RGSL1: variants seen among roughly 807,000 people sequenced by gnomAD.
RGSL1 encodes regulator of G protein signaling like 1, also known as regulator of G protein signaling protein-like.
A neutral mutation model predicts 124.7 loss-of-function variants in RGSL1; 97 were observed. The observed-to-expected ratio is 0.78, with a 90% confidence interval of 0.66 to 0.92. The LOEUF (loss-of-function observed/expected upper bound fraction) is 0.92, where lower values mean the gene tolerates loss of function less well. Among genes scored for constraint, RGSL1 ranks in the 40% least tolerant of loss-of-function variants. The pLI is 0.00. For missense variants in RGSL1, 1,233 were observed against 1,288.4 expected, an observed-to-expected ratio of 0.96 and a Z score of 0.66; for synonymous variants, 424 against 438.1, an observed-to-expected ratio of 0.97 and a Z score of 0.40.
intron 9 of RGSL1, among the ~76,000 whole-genome samples, chr1:182,512,461 G>C (rs140511472): frequency 6.6e-6 from 1 of 152,070 alleles, no homozygotes; most frequent in African/African-American, 2.4e-5. Flanking sequence ...TCATCTGTTC[G>C]GCTGCTGCAT....
chr1:182,473,540 C>T (rs1349543878), intron 5 of RGSL1, 35 bp from the exon 6 acceptor site: 1 of 1,483,624 alleles, frequency 6.7e-7, no homozygotes, highest in African/African-American at 1.4e-5. Context: ...ATCATCCCAT[C>T]ATTTTCACCC....
At chr1:182,529,168 CT>C (rs1658977518) in intron 11 of RGSL1, among the ~76,000 whole-genome samples, 2 of 152,272 alleles carry the variant, frequency 1.3e-5, no homozygotes, top group African/African-American at 4.8e-5. Context: ...CACATGTATC[CT>C]TTCATTTAAT....
chr1:182,458,566 C>A (rs1038487930), intron 3 of RGSL1, among the ~76,000 whole-genome samples, 173 bp downstream of exon 3: 2 of 152,178 alleles, frequency 1.3e-5, no homozygotes, highest in African/African-American at 2.4e-5. Flanking sequence ...GCCTCCCTGG[C>A]TCAAGCAATC....
intron 14 of RGSL1, among the ~76,000 whole-genome samples, chr1:182,533,555 A>C (rs1297550522): frequency 6.6e-6 from 1 of 152,182 alleles, no homozygotes; most frequent in African/African-American, 2.4e-5. Context: ...ACAGATTTCA[A>C]ACAGAAAATA....
At chr1:182,552,754 A>G (rs1453352262) in intron 18 of RGSL1, among the ~76,000 whole-genome samples, 2 of 152,244 alleles carry the variant, frequency 1.3e-5, no homozygotes, top group African/African-American at 2.4e-5. Flanking sequence ...AAAGGGCTTT[A>G]CGCTGCATCA....
At chr1:182,452,621 T>C (rs985640430) in intron 1 of RGSL1, among the ~76,000 whole-genome samples, 16 of 151,810 alleles carry the variant, frequency 1.1e-4, no homozygotes, top group African/African-American at 3.1e-4. Flanking sequence ...CCTGGCTAAT[T>C]TTTGTATTTT....
chr1:182,473,460 A>G, intron 5 of RGSL1, 115 bp from the exon 6 acceptor site: 2 of 1,141,576 alleles, frequency 1.8e-6, no homozygotes. Flanking sequence ...TATATGAGGA[A>G]CTAATAAAAT....
In RGSL1 at chr1:182,531,801, A is replaced by C. The variant is rs76400120; in HGVS notation, c.2365-861A>C. On this transcript the variant is annotated intron_variant, in intron 13 of 21. Transcript: ENST00000294854. ...GATAAAAGGAAATCAACATGTACTT[A>C]ATGCCTACTGTTTGCCAAGCATTGC... 7.3e-3 allele frequency among the ~76,000 whole-genome samples: 1,109 copies of C among 152,316 alleles called. 15 individuals are homozygous for C. The highest frequency in any genetic ancestry group is 0.027 in the Middle Eastern group (8 of 294).
At chr1:182,481,294 G>T (rs1028375091) in intron 6 of RGSL1, among the ~76,000 whole-genome samples, 3 of 151,928 alleles carry the variant, frequency 2.0e-5, no homozygotes, top group African/African-American at 7.2e-5. Flanking sequence ...GAAATAAAAA[G>T]GATAATGAGA....
intron 10 of RGSL1, among the ~76,000 whole-genome samples, chr1:182,525,509 CTA>C (rs1342420655): frequency 6.6e-6 from 1 of 151,926 alleles, no homozygotes; most frequent in African/African-American, 2.4e-5. Flanking sequence ...GAAAAATTTA[CTA>C]GAGGCAATCA....
At chr1:182,545,952 T>C (rs1208067109) in intron 15 of RGSL1, among the ~76,000 whole-genome samples, 2 of 152,214 alleles carry the variant, frequency 1.3e-5, no homozygotes, top group Admixed American at 6.5e-5. Context: ...TAAACATGTA[T>C]GTCTTTGTCA....
intron 10 of RGSL1, among the ~76,000 whole-genome samples, chr1:182,527,031 T>C (rs1658799446): frequency 1.3e-5 from 2 of 152,146 alleles, no homozygotes. Context: ...GAACTGGAGA[T>C]ATAGTTTTGC....
At chr1:182,515,839 G>A (rs1303859311) in intron 9 of RGSL1, among the ~76,000 whole-genome samples, 1 of 152,182 alleles carries the variant, frequency 6.6e-6, no homozygotes, top group Non-Finnish European at 1.5e-5. Flanking sequence ...ATAAGGAGAG[G>A]AGCCCCTGTG....
chr1:182,506,983 C>CTTT (rs71127304), intron 9 of RGSL1, among the ~76,000 whole-genome samples: 129 of 99,382 alleles, frequency 1.3e-3, no homozygotes, highest in Middle Eastern at 6.8e-3. Flanking sequence ...GCTCACCTTT[C>CTTT]TTTTTTTTTT....
At chr1:182,532,021 G>A (rs145482203) in intron 13 of RGSL1, among the ~76,000 whole-genome samples, 1 of 152,100 alleles carries the variant, frequency 6.6e-6, no homozygotes, top group Non-Finnish European at 1.5e-5. Context: ...TGTCTAAAGC[G>A]AGGCTTATGT....
chr1:182,519,784 C>T (rs537454848), intron 9 of RGSL1, among the ~76,000 whole-genome samples: 1 of 151,904 alleles, frequency 6.6e-6, no homozygotes, highest in Admixed American at 6.5e-5. Context: ...CTGGATATGT[C>T]CTTTGCATCT....
At chr1:182,500,262 A>T (rs1403677215) in intron 9 of RGSL1, among the ~76,000 whole-genome samples, 1 of 152,210 alleles carries the variant, frequency 6.6e-6, no homozygotes, top group Non-Finnish European at 1.5e-5. Context: ...CATTTGTTGA[A>T]GAGACTCTTC....
chr1:182,459,997 A>C lies in RGSL1; in HGVS notation c.172-7A>C. The stretch of plus-strand genomic sequence containing the variant: ...GCATTTTTGTTTCTATTTTGCTTTG[A>C]CTCTAGATTGCCAAATACAAAGGGT... On this transcript the variant is annotated splice_region_variant and splice_polypyrimidine_tract_variant and intron_variant, in intron 3 of 21. Coordinates refer to ENST00000294854, the MANE Select transcript of RGSL1 (RefSeq NM_001137669.2). The C allele has an allele frequency of 6.5e-7, 1 of 1,548,992 alleles. No individual in the cohort carries two copies. Among genetic ancestry groups the C allele is most frequent in the Non-Finnish European group, 8.7e-7 (1 of 1,146,252 alleles).
Position 182,497,619 on chromosome 1 carries a change from GA to G in RGSL1, c.1825+4493del, listed in dbSNP as rs1656033228. Among the ~76,000 whole-genome samples, 3 of 151,950 alleles carry G rather than the reference GA, an allele frequency of 2.0e-5. No individual in the cohort carries two copies. The South Asian group carries it at 6.2e-4, about 32-fold the overall frequency. On this transcript the variant is annotated intron_variant, in intron 9 of 21. Coordinates refer to ENST00000294854, the MANE Select transcript of RGSL1 (RefSeq NM_001137669.2). Reference sequence around the variant, plus strand: ...GCCACAATACAATGATCAGAATCAGGAAATTAACACTGATACATTACTACCA... The same window carrying G: ...GCCACAATACAATGATCAGAATCAGGAATTAACACTGATACATTACTACCA...
Sources: allele counts gnomAD v4.1 joint callset (sites outside exome capture counted in the v4.1 genomes callset), GRCh38; gene constraint gnomAD v4.1.1; transcripts MANE v1.5; gene names NCBI Gene and HGNC (gene_info 2026-07-23, HGNC 2026-07-21).